KIF5B: variants seen among roughly 807,000 people sequenced by gnomAD.
The protein encoded by KIF5B is kinesin family member 5B.
KIF5B carries 49 observed loss-of-function variants against 132.8 expected under a neutral mutation model. That is an observed-to-expected ratio of 0.37 (90% CI 0.29 to 0.47). The LOEUF (loss-of-function observed/expected upper bound fraction) is 0.47, where lower values mean the gene tolerates loss of function less well. Ranked by LOEUF, KIF5B falls within the 20% of genes least tolerant of loss-of-function variation. KIF5B has a pLI of 1.00. For missense variants in KIF5B, 780 were observed against 1,144.0 expected, an observed-to-expected ratio of 0.68 and a Z score of 4.59; for synonymous variants, 355 against 369.4, an observed-to-expected ratio of 0.96 and a Z score of 0.45.
chr10:32,048,577 T>C (rs1592454727), intron 1 of KIF5B, 26 bp from the exon 2 acceptor site: 1 of 1,531,154 alleles, frequency 6.5e-7, no homozygotes. Context: ...GTGTTTCAAC[T>C]ATACAAATTA....
chr10:32,028,812 G>A (rs1190067441), intron 14 of KIF5B, among the ~76,000 whole-genome samples: 1 of 152,136 alleles, frequency 6.6e-6, no homozygotes, highest in Non-Finnish European at 1.5e-5. Flanking sequence ...GGCAGTTTCT[G>A]TTATTTCACT....
intron 9 of KIF5B, 94 bp from the exon 10 acceptor site, chr10:32,035,761 AT>A: frequency 7.4e-7 from 1 of 1,355,712 alleles, no homozygotes; most frequent in African/African-American, 1.5e-5. Flanking sequence ...ACACATACTG[AT>A]TCAAACACAT....
At chr10:32,054,327 G>A (rs1841727652) in intron 1 of KIF5B, among the ~76,000 whole-genome samples, 1 of 152,210 alleles carries the variant, frequency 6.6e-6, no homozygotes, top group African/African-American at 2.4e-5. Context: ...CCTCTGCCGG[G>A]CTATGATGTC....
At chr10:32,037,114 T>C in intron 8 of KIF5B, 140 bp downstream of exon 8, 1 of 686,920 alleles carries the variant, frequency 1.5e-6, no homozygotes. Flanking sequence ...CATAAGGCAC[T>C]GGCATCAGCG....
intron 2 of KIF5B, 85 bp from the exon 3 acceptor site, chr10:32,040,542 T>C: frequency 1.3e-6 from 1 of 763,696 alleles, no homozygotes; most frequent in Non-Finnish European, 2.3e-6. Flanking sequence ...GATGACAGGG[T>C]AGAGAAAAGG....
intron 1 of KIF5B, among the ~76,000 whole-genome samples, chr10:32,052,116 G>A (rs1433981635): frequency 1.3e-5 from 2 of 152,172 alleles, no homozygotes; most frequent in East Asian, 3.9e-4. Flanking sequence ...GTTTGAGTAT[G>A]CACCGACCAG....
At chr10:32,035,074 G>GT (rs1841446936) in intron 10 of KIF5B, among the ~76,000 whole-genome samples, 1 of 150,630 alleles carries the variant, frequency 6.6e-6, no homozygotes, top group Admixed American at 6.6e-5. Flanking sequence ...AAAAATAAAA[G>GT]ACAAAGGCCT....
chr10:32,038,731 G>A lies in KIF5B; in HGVS notation c.442+47C>T, dbSNP rs796794030. The A allele has an allele frequency of 4.0e-6, 4 of 995,818 alleles. No individual in the cohort carries two copies. In the African/African-American group the frequency reaches 4.9e-5, roughly 12 times the overall value. 61.7% of individuals were successfully genotyped at this position (995,818 alleles called of 1,614,324 possible). A position where few individuals can be genotyped will look rare whatever the true frequency, so the allele number is the denominator to read the frequency against. ...TAGTCTCACATCTATTATTAAAAAG[G>A]AATTAACAGATGTTATTTAAAACTG... On this transcript the variant is annotated intron_variant, in intron 5 of 25. Transcript: ENST00000302418.
chr10:32,039,180 A>C, intron 4 of KIF5B, 147 bp downstream of exon 4: 1 of 520,790 alleles, frequency 1.9e-6, no homozygotes, highest in Non-Finnish European at 3.4e-6. Flanking sequence ...AGATGAACAA[A>C]AATCCAAGTT....
chr10:32,047,895 A>G (rs907109441), intron 2 of KIF5B, among the ~76,000 whole-genome samples: 5 of 152,372 alleles, frequency 3.3e-5, no homozygotes, highest in South Asian at 2.1e-4. Flanking sequence ...AAGTAACTCC[A>G]GATAAACAAT....
intron 3 of KIF5B, among the ~76,000 whole-genome samples, chr10:32,040,062 C>T (rs1183112159): frequency 3.3e-5 from 5 of 152,124 alleles, no homozygotes; most frequent in Non-Finnish European, 7.4e-5. Context: ...GTTATTTATA[C>T]TACATAAAAT....
chr10:32,016,490 A>C (rs894818535), intron 24 of KIF5B, among the ~76,000 whole-genome samples: 3 of 151,744 alleles, frequency 2.0e-5, no homozygotes, highest in Non-Finnish European at 4.4e-5. Context: ...AATAAATAAA[A>C]CACAAAAAAA....
intron 1 of KIF5B, among the ~76,000 whole-genome samples, chr10:32,052,730 T>C (rs984736801): frequency 2.6e-5 from 4 of 152,218 alleles, no homozygotes; most frequent in South Asian, 2.1e-4. Context: ...TTAAAGCAAA[T>C]AGTTTATATG....
chr10:32,017,980 A>G (rs1189328138), intron 23 of KIF5B, 72 bp downstream of exon 23: 26 of 727,202 alleles, frequency 3.6e-5, no homozygotes. Flanking sequence ...AAAGATTGAA[A>G]TACTCACTTG....
intron 2 of KIF5B, among the ~76,000 whole-genome samples, chr10:32,043,574 G>T (rs934730404): frequency 6.6e-6 from 1 of 152,156 alleles, no homozygotes; most frequent in Non-Finnish European, 1.5e-5. Flanking sequence ...GAAAAAACAG[G>T]AAATCTACAA....
At chr10:32,027,025 A>AT (rs1841342750) in intron 15 of KIF5B, among the ~76,000 whole-genome samples, 1 of 148,400 alleles carries the variant, frequency 6.7e-6, no homozygotes, top group Non-Finnish European at 1.5e-5. Context: ...TTCTTTTTGT[A>AT]TTTTTTAAAA....
At chr10:32,025,283 G>C (rs1841320297) in intron 15 of KIF5B, among the ~76,000 whole-genome samples, 1 of 152,174 alleles carries the variant, frequency 6.6e-6, no homozygotes, top group Non-Finnish European at 1.5e-5. Flanking sequence ...TCCTTACAAA[G>C]CTAACATAGT....
chr10:32,051,848 A>G (rs1459372721), intron 1 of KIF5B, among the ~76,000 whole-genome samples: 1 of 152,194 alleles, frequency 6.6e-6, no homozygotes, highest in Non-Finnish European at 1.5e-5. Flanking sequence ...GCATATCTCT[A>G]TTTTTCAAAT....
At chr10:32,052,672 T>G (rs1236678619) in intron 1 of KIF5B, among the ~76,000 whole-genome samples, 1 of 152,228 alleles carries the variant, frequency 6.6e-6, no homozygotes, top group Non-Finnish European at 1.5e-5. Flanking sequence ...TTCAAAGACA[T>G]AAACTGTTTC....
Sources: allele counts gnomAD v4.1 joint callset (sites outside exome capture counted in the v4.1 genomes callset), GRCh38; gene constraint gnomAD v4.1.1; transcripts MANE v1.5; gene names NCBI Gene and HGNC (gene_info 2026-07-23, HGNC 2026-07-21).